Variants in NELL2 observed in about 807,000 individuals in gnomAD.
The protein encoded by NELL2 is protein kinase C-binding protein NELL2.
In NELL2, 41 loss-of-function variants were observed where a neutral mutation model predicts 109.6. The observed-to-expected ratio is 0.37, with a 90% CI of 0.29 to 0.49. NELL2 has a LOEUF of 0.49. Among genes scored for constraint, NELL2 ranks in the 20% least tolerant of loss-of-function variants. NELL2 has a pLI of 0.98. For missense variants in NELL2, 900 were observed against 1,008.3 expected (o/e 0.89, Z 1.45); for synonymous variants, 355 against 344.7 (o/e 1.03, Z -0.33).
At chr12:44,664,202 T>G (rs1220141319) in intron 13 of NELL2, among the ~76,000 whole-genome samples, 1 of 152,082 alleles carries the variant, frequency 6.6e-6, no homozygotes, top group Non-Finnish European at 1.5e-5. Context: ...AAGAAACTCT[T>G]CCACTCAATG....
chr12:44,649,583 C>T (rs1265291358), intron 13 of NELL2, among the ~76,000 whole-genome samples: 1 of 152,156 alleles, frequency 6.6e-6, no homozygotes, highest in African/African-American at 2.4e-5. Context: ...TTGCCCCATC[C>T]TGAGAAGACT....
At chr12:44,644,649 T>TACAC (rs1555190961) in intron 13 of NELL2, among the ~76,000 whole-genome samples, 411 of 129,480 alleles carry the variant, frequency 3.2e-3, no homozygotes, top group African/African-American at 8.2e-3. Context: ...TATATATATA[T>TACAC]ACACACACAC....
At chr12:44,913,635 C>G (rs1199324896) in intron 1 of NELL2, among the ~76,000 whole-genome samples, 2 of 152,074 alleles carry the variant, frequency 1.3e-5, no homozygotes, top group Non-Finnish European at 2.9e-5. Flanking sequence ...AAACTCTTAA[C>G]ATACTATAAA....
At position 44,545,575 on chromosome 12, in the gene NELL2, C is replaced by T. The variant is rs1942760429; in HGVS notation, c.1664-12854G>A. ...GAAAGAGATGAATTCAGGAAAGAGACATCACCTCACTTTAAAGCTCAGTTC... is the reference window on the plus strand; with the variant it reads ...GAAAGAGATGAATTCAGGAAAGAGATATCACCTCACTTTAAAGCTCAGTTC... On this transcript the variant is annotated intron_variant, in intron 15 of 19. Transcript: ENST00000429094. 2.6e-5 allele frequency among the ~76,000 whole-genome samples: 4 copies of T among 152,028 alleles called. No homozygotes were observed. In the South Asian group the frequency reaches 8.3e-4, roughly 31 times the overall value.
At chr12:44,748,687 T>C (rs1055803452) in intron 9 of NELL2, among the ~76,000 whole-genome samples, 38 of 152,070 alleles carry the variant, frequency 2.5e-4, no homozygotes, top group African/African-American at 8.9e-4. Context: ...TTAGAAACAG[T>C]CAGGCAGCTT....
chr12:44,858,843 T>C (rs1174669711), intron 2 of NELL2, among the ~76,000 whole-genome samples: 1 of 152,208 alleles, frequency 6.6e-6, no homozygotes, highest in Non-Finnish European at 1.5e-5. Context: ...GGTGGATACA[T>C]TTTTTAAATT....
At chr12:44,541,261 A>AAG (rs1466455581) in intron 15 of NELL2, among the ~76,000 whole-genome samples, 3 of 150,402 alleles carry the variant, frequency 2.0e-5, no homozygotes, top group Non-Finnish European at 3.0e-5. Flanking sequence ...AAAAAAAAAA[A>AAG]AAAAAGAAAA....
intron 15 of NELL2, among the ~76,000 whole-genome samples, chr12:44,588,437 C>T (rs1164462466): frequency 6.6e-6 from 1 of 152,100 alleles, no homozygotes; most frequent in South Asian, 2.1e-4. Context: ...ACTCTAGAGG[C>T]CCCTCAGACT....
At chr12:44,886,551 T>C (rs548394677) in intron 1 of NELL2, among the ~76,000 whole-genome samples, 2 of 152,096 alleles carry the variant, frequency 1.3e-5, no homozygotes, top group East Asian at 3.9e-4. Flanking sequence ...TAGATGTACA[T>C]AGTTTTGAGG....
At chr12:44,649,112 T>C (rs1201635321) in intron 13 of NELL2, among the ~76,000 whole-genome samples, 1 of 151,986 alleles carries the variant, frequency 6.6e-6, no homozygotes, top group Non-Finnish European at 1.5e-5. Context: ...TTCTTTGATG[T>C]ATAATCTTGT....
chr12:44,574,065 A>AT (rs201201138), intron 15 of NELL2, among the ~76,000 whole-genome samples: 4 of 150,142 alleles, frequency 2.7e-5, no homozygotes, highest in African/African-American at 1.0e-4. Context: ...TTTTTATTTT[A>AT]TTTTTATTTT....
At chr12:44,667,700 A>T (rs1947974014) in intron 12 of NELL2, among the ~76,000 whole-genome samples, 1 of 152,220 alleles carries the variant, frequency 6.6e-6, no homozygotes, top group Non-Finnish European at 1.5e-5. Flanking sequence ...ATAACTCTGA[A>T]ATTCAGCAGG....
chr12:44,793,919 T>C lies in NELL2; in HGVS notation c.336-13897A>G, dbSNP rs78046205. ...AAACTACCTGAAAATATGATAATTGTATAGTTGTAAGTTTTTATAATGAAC... is the reference window on the plus strand; with the variant it reads ...AAACTACCTGAAAATATGATAATTGCATAGTTGTAAGTTTTTATAATGAAC... On this transcript the variant is annotated intron_variant, in intron 3 of 19. Transcript: ENST00000429094. Among the ~76,000 whole-genome samples, 397 of 152,254 alleles carry C rather than the reference T, an allele frequency of 2.6e-3. 1 individual carries two copies. The highest frequency in any genetic ancestry group is 4.7e-3 in the Non-Finnish European group (321 of 68,012).
At chr12:44,740,484 T>G (rs144133260) in intron 9 of NELL2, among the ~76,000 whole-genome samples, 3 of 152,156 alleles carry the variant, frequency 2.0e-5, no homozygotes, top group African/African-American at 7.2e-5. Context: ...TCAGTTTGCA[T>G]CAAAGTTTGC....
intron 12 of NELL2, among the ~76,000 whole-genome samples, chr12:44,681,571 G>C (rs1459218628): frequency 2.0e-5 from 3 of 150,516 alleles, no homozygotes; most frequent in African/African-American, 7.3e-5. Flanking sequence ...TCCCCTCTCC[G>C]CCCACCCCAC....
chr12:44,919,733 G>A (rs2136899493), intron 1 of NELL2, among the ~76,000 whole-genome samples: 1 of 152,288 alleles, frequency 6.6e-6, no homozygotes, highest in South Asian at 2.1e-4. Flanking sequence ...GCCCTTGGAA[G>A]GAACCAATTC....
chr12:44,877,699 C>T (rs151066731), upstream of NELL2, among the ~76,000 whole-genome samples: 737 of 151,708 alleles, frequency 4.9e-3, 6 homozygotes, highest in African/African-American at 0.017. Flanking sequence ...TTTAGATCTG[C>T]CCTTAGAATT....
At chr12:44,740,707 C>T (rs963007974) in intron 9 of NELL2, among the ~76,000 whole-genome samples, 8 of 152,074 alleles carry the variant, frequency 5.3e-5, no homozygotes, top group Admixed American at 3.9e-4. Context: ...TTCTTCTCTA[C>T]CAGTTAGCAT....
chr12:44,611,818 G>A (rs901877303), intron 13 of NELL2, among the ~76,000 whole-genome samples: 9 of 151,974 alleles, frequency 5.9e-5, no homozygotes, highest in Non-Finnish European at 1.0e-4. Context: ...AGATGTAAAT[G>A]TAAGGAATAA....
Sources: gnomAD v4.1 joint callset for allele counts (sites outside exome capture counted in the v4.1 genomes callset) on GRCh38, gnomAD v4.1.1 for gene constraint, MANE v1.5 for transcripts, NCBI Gene and HGNC (gene_info 2026-07-23, HGNC 2026-07-21) for gene names.